PSG9: variants seen among roughly 807,000 people sequenced by gnomAD.
The protein encoded by PSG9 is pregnancy specific beta-1-glycoprotein 9.
PSG9 carries 49 observed loss-of-function variants against 41.9 expected under a neutral mutation model. The ratio of observed to expected loss-of-function variants is 1.17; its 90% CI spans 0.93 to 1.48. PSG9 has a LOEUF of 1.48. Ranked by LOEUF, PSG9 falls within the 40% of genes most tolerant of loss-of-function variation. The probability of loss-of-function intolerance (pLI) is 0.00; values close to 1 mark genes in which losing one functional copy is unlikely to be tolerated. For missense variants in PSG9, 641 were observed against 520.3 expected (o/e 1.23, Z -2.26); for synonymous variants, 263 against 196.8 (o/e 1.34, Z -2.82).
chr19:43,265,709 T>G (rs567315778), intron 2 of PSG9, among the ~76,000 whole-genome samples: 45 of 152,220 alleles, frequency 3.0e-4, no homozygotes, highest in Admixed American at 1.0e-3. Flanking sequence ...CAATAATTTT[T>G]TTTGTGTGTG....
intron 5 of PSG9, among the ~76,000 whole-genome samples, chr19:43,255,442 G>A (rs1326997131): frequency 6.8e-6 from 1 of 146,484 alleles, no homozygotes; most frequent in African/African-American, 2.6e-5. Context: ...CCCTGTATGA[G>A]CAGTAACAAG....
At chr19:43,256,572 A>G (rs560858999) in intron 5 of PSG9, among the ~76,000 whole-genome samples, 1 of 146,970 alleles carries the variant, frequency 6.8e-6, no homozygotes, top group South Asian at 2.1e-4. Context: ...CAAATATCCA[A>G]TAAGCCCATG....
intron 2 of PSG9, among the ~76,000 whole-genome samples, chr19:43,263,032 TGGTGGATA>T (rs1336674430): frequency 6.6e-6 from 1 of 152,194 alleles, no homozygotes; most frequent in Non-Finnish European, 1.5e-5. Flanking sequence ...CATATGCGTT[TGGTGGATA>T]TTAGACCAAT....
chr19:43,262,826 G>T (rs1968790365), intron 2 of PSG9, among the ~76,000 whole-genome samples: 1 of 152,142 alleles, frequency 6.6e-6, no homozygotes, highest in Non-Finnish European at 1.5e-5. Flanking sequence ...AGAGTGAAGG[G>T]GCCAGGCAGT....
chr19:43,264,311 T>A (rs1968864097), intron 2 of PSG9, among the ~76,000 whole-genome samples: 1 of 152,176 alleles, frequency 6.6e-6, no homozygotes, highest in Non-Finnish European at 1.5e-5. Flanking sequence ...AAGTTGAATA[T>A]GTTGTTCCAC....
In PSG9 at chr19:43,253,435, T is replaced by A. The variant is rs1968339580; in HGVS notation, c.*174A>T. On this transcript the variant is annotated 3_prime_UTR_variant, in exon 6 of 6. Coordinates refer to ENST00000270077, the MANE Select transcript of PSG9 (RefSeq NM_002784.5). ...TTACCAATTGCTGAAGAAAAAAAGT[T>A]CATAAATCTGGAGAATAAAACATTC... The A allele has an allele frequency of 2.3e-6, 1 of 428,280 alleles. No individual in the cohort carries two copies. The highest frequency in any genetic ancestry group is 4.7e-5 in the South Asian group (1 of 21,204). 26.5% of individuals were successfully genotyped at this position (428,280 alleles called of 1,614,324 possible). A position where few individuals can be genotyped will look rare whatever the true frequency, so the allele number is the denominator to read the frequency against.
At chr19:43,258,112 T>G (rs1968519124) in intron 5 of PSG9, 90 bp downstream of exon 5, 1 of 1,590,344 alleles carries the variant, frequency 6.3e-7, no homozygotes, top group Non-Finnish European at 8.5e-7. Context: ...GGACACAGGC[T>G]GGGAATAAAA....
At position 43,258,706 on chromosome 19, in the gene PSG9, A is replaced by T; in HGVS notation, c.988+151T>A. On this transcript the variant is annotated intron_variant, in intron 4 of 5. Coordinates refer to ENST00000270077, the MANE Select transcript of PSG9 (RefSeq NM_002784.5). ...TTCTTGGTTAAGGCTGTGCCTACCC[A>T]GGTTTTCCCAGGGCAGGGAGTCATG... 2.4e-5 allele frequency: 33 copies of T among 1,390,748 alleles called. 5 individuals are homozygous for T. The highest frequency in any genetic ancestry group is 3.2e-5 in the Non-Finnish European group (33 of 1,046,844). 86.2% of individuals were successfully genotyped at this position (1,390,748 alleles called of 1,614,324 possible).
intron 3 of PSG9, chr19:43,260,697 T>A (rs1447332716): frequency 6.6e-6 from 1 of 151,816 alleles, no homozygotes; most frequent in Non-Finnish European, 1.5e-5. Flanking sequence ...AATAAGATCC[T>A]GTCAGGTCAG....
intron 2 of PSG9, among the ~76,000 whole-genome samples, chr19:43,266,307 T>C (rs1301940464): frequency 1.3e-5 from 2 of 151,998 alleles, no homozygotes; most frequent in Non-Finnish European, 2.9e-5. Context: ...TGTCAGCCTC[T>C]GAAGGACAAG....
chr19:43,263,428 T>C (rs1402994202), intron 2 of PSG9, among the ~76,000 whole-genome samples: 1 of 152,156 alleles, frequency 6.6e-6, no homozygotes, highest in Non-Finnish European at 1.5e-5. Context: ...AATGCGCCAG[T>C]GAGCACTTCT....
intron 2 of PSG9, among the ~76,000 whole-genome samples, chr19:43,267,422 TGA>T (rs201154392): frequency 0.01 from 1,541 of 152,252 alleles, 27 homozygotes; most frequent in African/African-American, 0.035. Context: ...TGAGCTTCTC[TGA>T]GAGTATCTCA....
Position 43,261,306 on chromosome 19 carries a change from G to T in PSG9, c.709+554C>A, listed in dbSNP as rs1032392298. Among the ~76,000 whole-genome samples the T allele has an allele frequency of 3.5e-4, 53 of 152,208 alleles. 2 individuals are homozygous for T. The South Asian group carries it at 0.01, about 30-fold the overall frequency. On this transcript the variant is annotated intron_variant, in intron 3 of 5. Coordinates refer to ENST00000270077, the MANE Select transcript of PSG9 (RefSeq NM_002784.5). ...CTCTATATGTTTTAGTGATTTGGGG[G>T]ATAAAGAACACTTGTGCTGAGTGCT...
At position 43,265,881 on chromosome 19, in the gene PSG9, G is replaced by C. The variant is rs377545688; in HGVS notation, c.430+1903C>G. On this transcript the variant is annotated intron_variant, in intron 2 of 5. Transcript: ENST00000270077. ...TCTTAGTGACCTGGGGACATTGGCT[G>C]GAGATGAAGCCAGGCAGGAGTGGCA... Among the ~76,000 whole-genome samples the C allele has an allele frequency of 2.5e-3, 376 of 152,286 alleles. 4 individuals are homozygous for C. Among genetic ancestry groups the C allele is most frequent in the Non-Finnish European group, 4.4e-3 (297 of 67,998 alleles).
intron 5 of PSG9, chr19:43,257,556 T>G (rs2122506010): frequency 1.0e-6 from 1 of 981,704 alleles, no homozygotes; most frequent in East Asian, 1.3e-4. Context: ...GCCCTGAGGC[T>G]CCCTCTCTTC....
chr19:43,266,024 G>A (rs1968950455), intron 2 of PSG9, among the ~76,000 whole-genome samples: 1 of 151,866 alleles, frequency 6.6e-6, no homozygotes, highest in Non-Finnish European at 1.5e-5. Flanking sequence ...GAAGGCCTAG[G>A]GGTGGGGGAA....
At chr19:43,263,927 T>A (rs1469626775) in intron 2 of PSG9, among the ~76,000 whole-genome samples, 1 of 152,168 alleles carries the variant, frequency 6.6e-6, no homozygotes, top group Non-Finnish European at 1.5e-5. Context: ...CTGCTTCTAA[T>A]TTCTGTGCAG....
Position 43,257,932 on chromosome 19 carries a change from T to C in PSG9, c.1243+270A>G, listed in dbSNP as rs1446905052. 5 of 1,420,778 alleles carry C rather than the reference T, an allele frequency of 3.5e-6. 1 individual carries two copies. The African/African-American group carries it at 7.6e-5, about 22-fold the overall frequency. The allele number at this position is 1,420,778 out of a possible 1,614,324, so 88.0% of individuals were successfully genotyped here. A position where few individuals can be genotyped will look rare whatever the true frequency, so the allele number is the denominator to read the frequency against. ...GAGGACTCTCCTTCTTGTCCCTCTC[T>C]GAAGCCTCTTCTACCACATAGGGCT... On this transcript the variant is annotated intron_variant, in intron 5 of 5. Transcript: ENST00000270077.
In PSG9 at chr19:43,262,080, C is replaced by T. The variant is rs267605524; in HGVS notation, c.489G>A (p.Glu163=). The T allele has an allele frequency of 1.1e-5, 18 of 1,613,864 alleles. No homozygotes were observed. The highest frequency in any genetic ancestry group is 1.5e-5 in the Non-Finnish European group (18 of 1,179,914). ...CAGGATCACAGATTAAGCGCACAGC[C>T]TCCATGGCCTCCCTGGGGTTTAAGT... The part of the protein sequence containing the change: ...SSNLNPREAM[E]AVRLICDPET... Residue 163 remains glutamate (E), a synonymous_variant, in exon 3 of 6, where the codon GAG becomes GAA. Coordinates refer to ENST00000270077, the MANE Select transcript of PSG9 (RefSeq NM_002784.5).
Sources: gnomAD v4.1 joint callset for allele counts (sites outside exome capture counted in the v4.1 genomes callset) on GRCh38, gnomAD v4.1.1 for gene constraint, MANE v1.5 for transcripts, NCBI Gene and HGNC (gene_info 2026-07-23, HGNC 2026-07-21) for gene names.